The following ARNT2 variants were observed in gnomAD, a reference collection of about 807,000 sequenced individuals.
ARNT2 encodes the protein aryl hydrocarbon receptor nuclear translocator 2, also known as ARNT protein 2.
Under a neutral mutation model 91.7 loss-of-function variants are expected in ARNT2, and 36 were observed. That is an observed-to-expected ratio of 0.39 (90% CI 0.30 to 0.52). ARNT2 has a LOEUF of 0.52. ARNT2 is among the 20% of genes least tolerant of loss of function. The probability of loss-of-function intolerance (pLI) is 0.72; values close to 1 mark genes in which losing one functional copy is unlikely to be tolerated. For synonymous variants in ARNT2, 365 were observed against 347.1 expected (o/e 1.05, Z -0.57); for missense variants, 775 against 939.3 (o/e 0.83, Z 2.29).
intron 12 of ARNT2, among the ~76,000 whole-genome samples, chr15:80,572,074 C>A (rs1157021183): frequency 6.6e-6 from 1 of 151,912 alleles, no homozygotes; most frequent in Admixed American, 6.6e-5. Context: ...CTATTTTCTG[C>A]AAACCTCTAG....
intron 1 of ARNT2, chr15:80,433,889 A>G (rs995157540): frequency 1.3e-5 from 2 of 152,246 alleles, no homozygotes; most frequent in South Asian, 2.1e-4. Flanking sequence ...TCCAATGTCA[A>G]TCGGCTGAGT....
At chr15:80,523,770 C>T (rs1407078963) in intron 8 of ARNT2, among the ~76,000 whole-genome samples, 1 of 152,176 alleles carries the variant, frequency 6.6e-6, no homozygotes. Flanking sequence ...TCCAGAGAGT[C>T]TGCAAAGAGG....
At chr15:80,415,960 T>A (rs1282327760) in intron 1 of ARNT2, among the ~76,000 whole-genome samples, 2 of 152,074 alleles carry the variant, frequency 1.3e-5, no homozygotes, top group Non-Finnish European at 2.9e-5. Flanking sequence ...TTGCTTCATT[T>A]CCCCCTGGAG....
At chr15:80,444,689 AGTGGTGTGTGT>A (rs993509937) in intron 1 of ARNT2, 9 of 134,092 alleles carry the variant, frequency 6.7e-5, no homozygotes, top group Admixed American at 5.2e-4. Flanking sequence ...TGTTGATGTG[AGTGGTGTGTGT>A]GTGGTGTGTG....
chr15:80,503,845 G>A (rs1897233875), intron 5 of ARNT2, among the ~76,000 whole-genome samples: 1 of 152,240 alleles, frequency 6.6e-6, no homozygotes, highest in Non-Finnish European at 1.5e-5. Context: ...GTACGTACCA[G>A]TAGTCAGCAT....
chr15:80,477,403 C>G (rs1426661917), intron 5 of ARNT2, among the ~76,000 whole-genome samples: 2 of 152,174 alleles, frequency 1.3e-5, no homozygotes, highest in African/African-American at 4.8e-5. Flanking sequence ...TATAACAGTA[C>G]CTAATCACCT....
chr15:80,558,587 G>T (rs1345332181), intron 11 of ARNT2, among the ~76,000 whole-genome samples: 2 of 152,040 alleles, frequency 1.3e-5, no homozygotes, highest in African/African-American at 4.8e-5. Flanking sequence ...TGATCCGCCT[G>T]CCTCGGCCTC....
At chr15:80,576,741 C>T (rs1486848031) in intron 14 of ARNT2, 125 bp from the exon 15 acceptor site, 12 of 923,642 alleles carry the variant, frequency 1.3e-5, no homozygotes, top group Admixed American at 7.6e-5. Context: ...TGCGTGCAGG[C>T]GGGCTGCCCT....
At chr15:80,515,462 C>CT (rs1297380118) in intron 8 of ARNT2, among the ~76,000 whole-genome samples, 5 of 152,086 alleles carry the variant, frequency 3.3e-5, no homozygotes, top group Non-Finnish European at 7.4e-5. Context: ...AAATGTCATG[C>CT]TAAGTGAACA....
chr15:80,470,082 C>T (rs147513889), intron 3 of ARNT2, 136 bp from the exon 4 acceptor site: 2 of 888,304 alleles, frequency 2.3e-6, no homozygotes, highest in African/African-American at 3.4e-5. Flanking sequence ...AATAGTCATT[C>T]AAAGCACTCA....
chr15:80,475,409 A>C, intron 5 of ARNT2, 186 bp downstream of exon 5: 1 of 561,042 alleles, frequency 1.8e-6, no homozygotes, highest in South Asian at 2.1e-5. Flanking sequence ...AAAAACAAAA[A>C]ATTTGCCAGG....
Position 80,478,389 on chromosome 15 carries a change from T to C in ARNT2, c.622+3166T>C, listed in dbSNP as rs1456331195. On this transcript the variant is annotated intron_variant, in intron 5 of 18. Coordinates refer to ENST00000303329, the MANE Select transcript of ARNT2 (RefSeq NM_014862.4). ...TGTCCATGTGAAGTCTGAATGTGTC[T>C]GGGAGAGTTTAAACAGGCGATGTGA... 2.6e-5 allele frequency among the ~76,000 whole-genome samples: 4 copies of C among 152,208 alleles called. No homozygotes were observed. In the East Asian group the frequency reaches 7.7e-4, roughly 29 times the overall value.
chr15:80,581,634 A>G (rs1391023304), intron 17 of ARNT2, among the ~76,000 whole-genome samples: 1 of 152,078 alleles, frequency 6.6e-6, no homozygotes, highest in African/African-American at 2.4e-5. Flanking sequence ...AGGCATTGGG[A>G]TGATGTTGCT....
In ARNT2 at chr15:80,591,514, A is replaced by C. The variant is rs1162642324; in HGVS notation, c.1919-54A>C. The C allele has an allele frequency of 5.0e-6, 8 of 1,606,618 alleles. No homozygotes were observed. In the Admixed American group the frequency reaches 1.3e-4, roughly 27 times the overall value. On this transcript the variant is annotated intron_variant, in intron 17 of 18. Coordinates refer to ENST00000303329, the MANE Select transcript of ARNT2 (RefSeq NM_014862.4). This position sits in a 1 kb window ranked among gnomAD's most constrained non-coding sequence, Gnocchi z 5.1. ...CCAGCCGCAGTGGTTCTTAGGTCTCACAGAACCACGGGATGGCTTTTAAAG... is the reference window on the plus strand; with the variant it reads ...CCAGCCGCAGTGGTTCTTAGGTCTCCCAGAACCACGGGATGGCTTTTAAAG...
intron 17 of ARNT2, among the ~76,000 whole-genome samples, chr15:80,586,870 C>A (rs960972635): frequency 6.6e-6 from 1 of 150,686 alleles, no homozygotes; most frequent in Non-Finnish European, 1.5e-5. Context: ...TTTATTATTT[C>A]AAAAATATCT....
At chr15:80,530,931 T>C (rs1897729126) in intron 8 of ARNT2, among the ~76,000 whole-genome samples, 1 of 152,234 alleles carries the variant, frequency 6.6e-6, no homozygotes, top group African/African-American at 2.4e-5. Context: ...CAGTCCACAG[T>C]TGCATATTAA....
intron 8 of ARNT2, among the ~76,000 whole-genome samples, chr15:80,514,702 C>A (rs1897404567): frequency 6.6e-6 from 1 of 152,146 alleles, no homozygotes; most frequent in African/African-American, 2.4e-5. Context: ...CTGGCTAACA[C>A]AGTGAAATCC....
rs530671168 is a variant in ARNT2 at position 80,430,473 on chromosome 15, T to G, written c.32-20407T>G. On this transcript the variant is annotated intron_variant, in intron 1 of 18. Transcript: ENST00000303329. ...AAGTTCCTCCTATCCTGGAAGCTCC[T>G]TGGATGTGTTCCCTGTTGGGATAGC... is the stretch of plus-strand genomic sequence containing the variant. Among the ~76,000 whole-genome samples, 19 of 152,366 alleles carry G rather than the reference T, an allele frequency of 1.2e-4. 1 individual carries two copies. In the South Asian group the frequency reaches 3.7e-3, roughly 30 times the overall value.
intron 6 of ARNT2, among the ~76,000 whole-genome samples, chr15:80,512,624 G>C (rs1897361187): frequency 6.6e-6 from 1 of 152,224 alleles, no homozygotes; most frequent in African/African-American, 2.4e-5. Flanking sequence ...GTGAATAAAT[G>C]CCTATCCTAG....
Sources: allele counts gnomAD v4.1 joint callset (sites outside exome capture counted in the v4.1 genomes callset), GRCh38; gene constraint gnomAD v4.1.1; non-coding constraint Gnocchi (gnomAD v3.1); transcripts MANE v1.5; gene names NCBI Gene and HGNC (gene_info 2026-07-23, HGNC 2026-07-21).